FASN: variants seen among roughly 807,000 people sequenced by gnomAD.
FASN encodes the protein fatty acid synthase, also known as 3-hydroxyacyl-[acyl-carrier-protein] dehydratase.
FASN carries 50 observed loss-of-function variants against 250.0 expected under a neutral mutation model. The observed-to-expected ratio is 0.20, with a 90% CI of 0.16 to 0.25. The LOEUF (loss-of-function observed/expected upper bound fraction) is 0.25, where lower values mean the gene tolerates loss of function less well. Ranked by LOEUF, FASN falls within the 10% of genes least tolerant of loss-of-function variation. The pLI is 1.00. For missense variants in FASN, 3,031 were observed against 3,498.5 expected, an observed-to-expected ratio of 0.87 and a Z score of 3.37; for synonymous variants, 1,909 against 1,584.0, an observed-to-expected ratio of 1.21 and a Z score of -4.87.
At chr17:82,082,479 C>G (rs559209225) in intron 34 of FASN, 48 bp downstream of exon 34, 78 of 1,611,434 alleles carry the variant, frequency 4.8e-5, no homozygotes, top group Non-Finnish European at 5.8e-5. Flanking sequence ...CAGGGTCCCC[C>G]CCTTGGTCTT....
At chr17:82,082,872 T>G in intron 33 of FASN, 42 bp downstream of exon 33, 1 of 1,605,178 alleles carries the variant, frequency 6.2e-7, no homozygotes, top group Non-Finnish European at 8.5e-7. Flanking sequence ...CCCGGGGCTG[T>G]GCCTGGCCCA....
chr17:82,086,979 G>T, intron 21 of FASN, 71 bp downstream of exon 21: 1 of 1,552,132 alleles, frequency 6.4e-7, no homozygotes, highest in Non-Finnish European at 8.8e-7. Flanking sequence ...GCAAGTCTGG[G>T]GTCAACGTGA....
chr17:82,096,999 C>T lies in FASN; in HGVS notation c.-7-547G>A, dbSNP rs780609092. ...AGCCCTAGAGGGGGGTACTCAGCAC[C>T]CATGCTCACCCGTGTTGGGGTGGGG... On this transcript the variant is annotated intron_variant, in intron 1 of 42. Coordinates refer to ENST00000306749, the MANE Select transcript of FASN (RefSeq NM_004104.5). 8.3e-4 allele frequency: 181 copies of T among 218,652 alleles called. 1 individual carries two copies. Among genetic ancestry groups the T allele is most frequent in the Middle Eastern group, 1.9e-3 (1 of 528 alleles). The allele number at this position is 218,652 out of a possible 1,614,324, so 13.5% of individuals were successfully genotyped here.
intron 3 of FASN, 104 bp downstream of exon 3, chr17:82,095,216 T>A (rs1598585195): frequency 7.3e-7 from 1 of 1,367,364 alleles, no homozygotes; most frequent in Non-Finnish European, 1.0e-6. Flanking sequence ...GGAGGGTAGG[T>A]GGTGCCAGCA....
At position 82,082,145 on chromosome 17, in the gene FASN, C is replaced by T. The variant is rs377318289; in HGVS notation, c.6027G>A (p.Ala2009=). Residue 2009 remains alanine (A), a synonymous_variant, in exon 36 of 43, where the codon GCG becomes GCA. Coordinates refer to ENST00000306749, the MANE Select transcript of FASN (RefSeq NM_004104.5). ...TLNLDRVTRE[A]CPELDYFVVF... is the part of the protein sequence containing the mutation. ...CCACAAAGTAGTCCAGCTCAGGGCACGCCTCTCGGGTCACCCTGTGGGCAC... is the reference window on the plus strand; with the variant it reads ...CCACAAAGTAGTCCAGCTCAGGGCATGCCTCTCGGGTCACCCTGTGGGCAC... 2.0e-5 allele frequency: 32 copies of T among 1,604,068 alleles called. No individual in the cohort carries two copies. The highest frequency in any genetic ancestry group is 7.7e-5 in the South Asian group (7 of 91,092).
intron 4 of FASN, 69 bp from the exon 5 acceptor site, chr17:82,093,488 C>T: frequency 1.1e-5 from 18 of 1,585,324 alleles, no homozygotes; most frequent in Non-Finnish European, 1.5e-5. Flanking sequence ...CACCTCCTGC[C>T]ACCAGGCTGG....
At chr17:82,086,866 C>T (rs115568424) in intron 21 of FASN, among the ~76,000 whole-genome samples, 184 bp downstream of exon 21, 3,411 of 146,262 alleles carry the variant, frequency 0.023, 105 homozygotes, top group South Asian at 0.11. Context: ...TGACCAGGGA[C>T]GAGGAAGGCT....
intron 39 of FASN, 42 bp from the exon 40 acceptor site, chr17:82,080,632 G>A (rs2033970393): frequency 6.4e-7 from 1 of 1,551,494 alleles, no homozygotes; most frequent in Non-Finnish European, 8.7e-7. Flanking sequence ...GCAGGCGGCA[G>A]CCACGGGCCC....
Position 82,082,986 on chromosome 17 carries a change from C to G in FASN, c.5695G>C (p.Glu1899Gln). The change falls in exon 33 of 43, where the codon GAG becomes CAG. Residue 1899 changes from glutamate (E) to glutamine (Q), a missense_variant. Glu to Gln is a conservative substitution (Grantham distance 29, BLOSUM62 2). Coordinates refer to ENST00000306749, the MANE Select transcript of FASN (RefSeq NM_004104.5). ...CGCTGTATCAGCCACTGCGCCAACTCCAGGCCGAAGCCACCCAGACCACCA... is the reference window on the plus strand; with the variant it reads ...CGCTGTATCAGCCACTGCGCCAACTGCAGGCCGAAGCCACCCAGACCACCA... ...IAGGLGGFGL[E>Q]LAQWLIQRGV... 1.2e-6 allele frequency: 2 copies of G among 1,612,960 alleles called. No homozygotes were observed. The highest frequency in any genetic ancestry group is 2.2e-5 in the East Asian group (1 of 44,884).
In FASN at chr17:82,088,793, G is replaced by A. The variant is rs1344064974; in HGVS notation, c.2388C>T (p.Phe796=). The A allele has an allele frequency of 6.2e-7, 1 of 1,612,404 alleles. No individual in the cohort carries two copies. The highest frequency in any genetic ancestry group is 8.5e-7 in the Non-Finnish European group (1 of 1,179,818). ...GGTGCAGCCTGCCGATGCCGGCCAG[G>A]AAGAACTCCAGGTTGTCCCTGTGAT... is the stretch of plus-strand genomic sequence containing the variant. ...KKDHRDNLEF[F]LAGIGRLHLS... Residue 796 remains phenylalanine, a synonymous_variant, in exon 15 of 43, where the codon TTC becomes TTT. Coordinates refer to ENST00000306749, the MANE Select transcript of FASN (RefSeq NM_004104.5).
In FASN at chr17:82,088,179, C is replaced by T. The variant is rs764010871; in HGVS notation, c.2722G>A (p.Glu908Lys). Residue 908 changes from glutamate (E) to lysine (K), a missense_variant, in exon 17 of 43, where the codon GAG becomes AAG. Transcript: ENST00000306749. ...TLARALGLGV[E>K]QLPVVFEDVV... is the part of the protein sequence containing the mutation. Reference sequence around the variant, plus strand: ...TCCTCAAACACCACAGGCAGCTGCTCGACGCCCAGGCCCAGGGCGCGGGCC... The same window carrying T: ...TCCTCAAACACCACAGGCAGCTGCTTGACGCCCAGGCCCAGGGCGCGGGCC... 10 of 1,612,638 alleles carry T rather than the reference C, an allele frequency of 6.2e-6. No homozygotes were observed. Among genetic ancestry groups the T allele is most frequent in the African/African-American group, 2.7e-5 (2 of 75,062 alleles).
chr17:82,078,605 G>A lies in FASN; in HGVS notation c.*538C>T, dbSNP rs1308468953. 3 of 184,208 alleles carry A rather than the reference G, an allele frequency of 1.6e-5. No individual in the cohort carries two copies. Among genetic ancestry groups the A allele is most frequent in the African/African-American group, 7.2e-5 (3 of 41,818 alleles). 11.4% of individuals were successfully genotyped at this position (184,208 alleles called of 1,614,324 possible). ...GGCCGGGCCCTGTGTGCCTGTGCAG[G>A]GGCCCAGCTCCTCGGGGACTGGCCC... On this transcript the variant is annotated 3_prime_UTR_variant, in exon 43 of 43. Transcript: ENST00000306749. This position sits in a 1 kb window ranked among gnomAD's most constrained non-coding sequence, Gnocchi z 5.4.
rs752212043 is a variant in FASN, at chr17:82,087,350, C to T, written c.3198G>A (p.Leu1066=). 1.9e-6 allele frequency: 3 copies of T among 1,612,236 alleles called. No individual in the cohort carries two copies. Among genetic ancestry groups the T allele is most frequent in the African/African-American group, 1.3e-5 (1 of 75,050 alleles). ...CTTGGGCCTTGTCCTGCAGTGTGTA[C>T]AGCTTCTGCCTGTGGGTGGCAGGGT... ...HIDPATHRQK[L]YTLQDKAQVA... Residue 1066 remains leucine (L), a synonymous_variant, in exon 20 of 43, where the codon CTG becomes CTA. Coordinates refer to ENST00000306749, the MANE Select transcript of FASN (RefSeq NM_004104.5).
In FASN at chr17:82,092,946, G is replaced by T; in HGVS notation, c.729C>A (p.Tyr243Ter). The change falls in exon 6 of 43, where the codon TAC (tyrosine) becomes TAA (stop). Residue 243 changes from tyrosine (Y) to a stop codon, truncating the protein, a stop_gained. Transcript: ENST00000306749. LOFTEE classifies it high-confidence loss of function. ...LTKKSLARRV[Y>*]ATILNAGTNT... ...TGGTGCCGGCGTTCAGGATGGTGGC[G>T]TACACCCGCCGGGCCAGGGACTTCT... 1 of 1,609,804 alleles carries T rather than the reference G, an allele frequency of 6.2e-7. No individual in the cohort carries two copies.
rs1235277265 is a variant in FASN, at chr17:82,088,818, T to C, written c.2363A>G (p.Asp788Gly). The stretch of plus-strand genomic sequence containing the variant: ...GAAGAACTCCAGGTTGTCCCTGTGA[T>C]CCTTCTTCATCAGGGGGATGATGGT... ...SCTIIPLMKK[D>G]HRDNLEFFLA... The change falls in exon 15 of 43, where the codon GAT becomes GGT. Residue 788 changes from aspartate to glycine, a missense_variant. Physicochemically the swap from Asp to Gly is moderately conservative, Grantham distance 94. Coordinates refer to ENST00000306749, the MANE Select transcript of FASN (RefSeq NM_004104.5). 1 of 1,612,554 alleles carries C rather than the reference T, an allele frequency of 6.2e-7. No individual in the cohort carries two copies. Among genetic ancestry groups the C allele is most frequent in the Admixed American group, 1.7e-5 (1 of 60,024 alleles).
rs1233421581 is a variant in FASN at position 82,089,614 on chromosome 17, C to T, written c.1965+18G>A. Reference sequence around the variant, plus strand: ...AGGCGCAGGGGACAGAGGAGCCCGCCCAGGCCGCAGCACCCACCTGAGGTC... The same window carrying T: ...AGGCGCAGGGGACAGAGGAGCCCGCTCAGGCCGCAGCACCCACCTGAGGTC... On this transcript the variant is annotated intron_variant, in intron 12 of 42. Coordinates refer to ENST00000306749, the MANE Select transcript of FASN (RefSeq NM_004104.5). 2 of 1,582,288 alleles carry T rather than the reference C, an allele frequency of 1.3e-6. No individual in the cohort carries two copies. The highest frequency in any genetic ancestry group is 1.1e-5 in the South Asian group (1 of 87,282).
At position 82,087,542 on chromosome 17, in the gene FASN, G is replaced by C. The variant is rs373923885; in HGVS notation, c.3044-38C>G. On this transcript the variant is annotated intron_variant, in intron 19 of 42. Coordinates refer to ENST00000306749, the MANE Select transcript of FASN (RefSeq NM_004104.5). ...CCTGGTTGGTGCTGTGGAACTCCCA[G>C]GTCCCTGGGGCCACCTCCCAGAGCC... 1.9e-6 allele frequency: 3 copies of C among 1,609,102 alleles called. No homozygotes were observed. The African/African-American group carries it at 4.0e-5, about 21-fold the overall frequency.
chr17:82,096,559 T>C, intron 1 of FASN, 107 bp from the exon 2 acceptor site: 1 of 1,535,350 alleles, frequency 6.5e-7, no homozygotes, highest in East Asian at 2.3e-5. Flanking sequence ...AGCACCACCC[T>C]GAGGGTCCGT....
At chr17:82,086,597 C>A (rs560691991) in intron 21 of FASN, 39 bp from the exon 22 acceptor site, 7 of 1,505,060 alleles carry the variant, frequency 4.7e-6, no homozygotes, top group South Asian at 4.5e-5. Context: ...TTCCCAAAGC[C>A]CCAGGGCATC....
Sources: gnomAD v4.1 joint callset for allele counts (sites outside exome capture counted in the v4.1 genomes callset) on GRCh38, gnomAD v4.1.1 for gene constraint, Gnocchi (gnomAD v3.1) non-coding constraint, MANE v1.5 for transcripts, NCBI Gene and HGNC (gene_info 2026-07-23, HGNC 2026-07-21) for gene names.